DIPK1A: variants seen among roughly 807,000 people sequenced by gnomAD.
DIPK1A encodes divergent protein kinase domain 1A, also known as family with sequence similarity 69 member A.
In DIPK1A, 27 loss-of-function variants were observed where a neutral mutation model predicts 40.8. That is an observed-to-expected ratio of 0.66 (90% confidence interval 0.49 to 0.91). DIPK1A has a LOEUF of 0.91. Ranked by LOEUF, DIPK1A falls within the 40% of genes least tolerant of loss-of-function variation. DIPK1A has a pLI of 0.00. For synonymous variants in DIPK1A, 166 were observed against 171.3 expected (o/e 0.97, Z 0.24); for missense variants, 412 against 505.7 (o/e 0.81, Z 1.78).
chr1:92,857,300 T>C (rs1330186489), intron 2 of DIPK1A, among the ~76,000 whole-genome samples: 2 of 151,710 alleles, frequency 1.3e-5, no homozygotes, highest in African/African-American at 2.4e-5. Flanking sequence ...AGGTGGTAGC[T>C]ACACAGCGTT....
intron 1 of DIPK1A, among the ~76,000 whole-genome samples, chr1:92,897,098 G>A (rs1158253194): frequency 1.3e-5 from 2 of 152,040 alleles, no homozygotes; most frequent in East Asian, 1.9e-4. Flanking sequence ...TCAGTGTGGC[G>A]ATTCCTCAGG....
intron 1 of DIPK1A, among the ~76,000 whole-genome samples, chr1:92,876,711 C>A (rs1323334421): frequency 6.6e-6 from 1 of 152,118 alleles, no homozygotes; most frequent in Admixed American, 6.6e-5. Flanking sequence ...TAGGCACAAG[C>A]ACATGTACCA....
chr1:92,951,501 G>C (rs1156421204), intron 1 of DIPK1A, among the ~76,000 whole-genome samples: 1 of 152,202 alleles, frequency 6.6e-6, no homozygotes, highest in Non-Finnish European at 1.5e-5. Context: ...TTGGAGCAGA[G>C]AAACAGCTGA....
chr1:92,900,451 TGG>T (rs1259889837), intron 1 of DIPK1A, among the ~76,000 whole-genome samples: 1 of 152,194 alleles, frequency 6.6e-6, no homozygotes, highest in Non-Finnish European at 1.5e-5. Context: ...ATTTTCTGTT[TGG>T]TTCTTGTTTA....
intron 1 of DIPK1A, among the ~76,000 whole-genome samples, chr1:92,943,466 T>A (rs979977606): frequency 2.0e-5 from 3 of 151,878 alleles, no homozygotes; most frequent in Middle Eastern, 3.2e-3. Flanking sequence ...TTGAAGACGG[T>A]GGGAATAATT....
intron 2 of DIPK1A, among the ~76,000 whole-genome samples, chr1:92,851,199 G>A (rs1011470864): frequency 2.0e-5 from 3 of 151,930 alleles, no homozygotes; most frequent in African/African-American, 7.3e-5. Context: ...GGTCTAAGGT[G>A]GTATGTTACC....
intron 1 of DIPK1A, among the ~76,000 whole-genome samples, chr1:92,897,250 C>T (rs1404562647): frequency 2.6e-5 from 4 of 152,140 alleles, no homozygotes; most frequent in Non-Finnish European, 5.9e-5. Flanking sequence ...GACTTGGAAC[C>T]AACCCAAATG....
chr1:92,946,271 T>C (rs772659760), intron 1 of DIPK1A, among the ~76,000 whole-genome samples: 5 of 152,176 alleles, frequency 3.3e-5, no homozygotes, highest in South Asian at 2.1e-4. Flanking sequence ...TAATATTATT[T>C]ATAGTTCTCA....
chr1:92,837,768 A>T, downstream of DIPK1A: 1 of 746,062 alleles, frequency 1.3e-6, no homozygotes, highest in Non-Finnish European at 2.3e-6. Flanking sequence ...ACATTCTTTT[A>T]GTAATCTTTT....
At chr1:92,946,760 T>C (rs1012184563) in intron 1 of DIPK1A, among the ~76,000 whole-genome samples, 9 of 151,988 alleles carry the variant, frequency 5.9e-5, no homozygotes, top group African/African-American at 2.2e-4. Context: ...CTGGGCAACA[T>C]GGTGAAACCC....
intron 4 of DIPK1A, among the ~76,000 whole-genome samples, chr1:92,844,503 C>A (rs529353238): frequency 1.7e-3 from 264 of 152,296 alleles, no homozygotes; most frequent in Non-Finnish European, 3.1e-3. Context: ...ATTCCTCATT[C>A]ATACATTAAA....
chr1:92,888,112 A>G (rs909932814), intron 1 of DIPK1A, among the ~76,000 whole-genome samples: 4 of 152,048 alleles, frequency 2.6e-5, no homozygotes, highest in South Asian at 2.1e-4. Context: ...CTATATTACT[A>G]TAGAACACTT....
At chr1:92,846,720 C>T (rs535843511) in intron 4 of DIPK1A, 6 of 222,896 alleles carry the variant, frequency 2.7e-5, no homozygotes, top group South Asian at 2.5e-4. Flanking sequence ...CCTCGACCTC[C>T]CAGGCTCAAG....
At chr1:92,896,058 T>A (rs1172472059) in intron 1 of DIPK1A, among the ~76,000 whole-genome samples, 1 of 152,102 alleles carries the variant, frequency 6.6e-6, no homozygotes, top group Non-Finnish European at 1.5e-5. Context: ...AGAATCAATA[T>A]CGTAAAAATG....
chr1:92,872,071 T>A (rs1647895859), intron 2 of DIPK1A, among the ~76,000 whole-genome samples: 7 of 16,366 alleles, frequency 4.3e-4, no homozygotes, highest in East Asian at 0.024. Flanking sequence ...CTTTAAATCT[T>A]TTTTTTTTTT....
At chr1:92,886,667 AG>A (rs1456576954) in intron 1 of DIPK1A, among the ~76,000 whole-genome samples, 2 of 152,166 alleles carry the variant, frequency 1.3e-5, no homozygotes, top group African/African-American at 4.8e-5. Flanking sequence ...TATTAATGAA[AG>A]CCAATATTTA....
intron 4 of DIPK1A, chr1:92,833,463 T>C (rs1157940411): frequency 6.2e-7 from 1 of 1,613,876 alleles, no homozygotes; most frequent in South Asian, 1.1e-5. Flanking sequence ...GACGAGGTAC[T>C]GTCACCTTTT....
chr1:92,864,816 G>A (rs766079697), intron 2 of DIPK1A, among the ~76,000 whole-genome samples: 1 of 152,090 alleles, frequency 6.6e-6, no homozygotes, highest in Non-Finnish European at 1.5e-5. Context: ...AAGGTGGGCA[G>A]ATTACCTGAG....
intron 2 of DIPK1A, among the ~76,000 whole-genome samples, chr1:92,869,739 T>TTATA (rs35230723): frequency 8.6e-5 from 13 of 151,708 alleles, no homozygotes; most frequent in Non-Finnish European, 1.0e-4. Context: ...TTATGCAGTT[T>TTATA]TATATATATA....
Sources: gnomAD v4.1 joint callset for allele counts (sites outside exome capture counted in the v4.1 genomes callset) on GRCh38, gnomAD v4.1.1 for gene constraint, MANE v1.5 for transcripts, NCBI Gene and HGNC (gene_info 2026-07-23, HGNC 2026-07-21) for gene names.